The following RBFOX3 variants were observed in gnomAD, a reference collection of about 807,000 sequenced individuals.
The protein encoded by RBFOX3 is RNA binding protein fox-1 homolog 3.
Under a neutral mutation model 48.7 loss-of-function variants are expected in RBFOX3, and 17 were observed. The observed-to-expected ratio is 0.35, with a 90% CI of 0.24 to 0.52. The LOEUF (loss-of-function observed/expected upper bound fraction) is 0.52. Among genes scored for constraint, RBFOX3 ranks in the 20% least tolerant of loss-of-function variants. RBFOX3 has a pLI of 0.94. For missense variants in RBFOX3, 382 were observed against 497.5 expected, an observed-to-expected ratio of 0.77 and a Z score of 2.21; for synonymous variants, 212 against 209.5, an observed-to-expected ratio of 1.01 and a Z score of -0.10.
At chr17:79,387,591 C>G (rs991066363) in intron 2 of RBFOX3, among the ~76,000 whole-genome samples, 3 of 152,228 alleles carry the variant, frequency 2.0e-5, no homozygotes, top group African/African-American at 4.8e-5. Context: ...GCTTCTCCCC[C>G]AAGCCAAATA....
chr17:79,123,259 A>T (rs905324699), intron 4 of RBFOX3, among the ~76,000 whole-genome samples: 20 of 152,320 alleles, frequency 1.3e-4, no homozygotes, highest in Admixed American at 1.2e-3. Context: ...GGAGGTGGAC[A>T]CCCCATCTTC....
intron 4 of RBFOX3, among the ~76,000 whole-genome samples, chr17:79,178,498 G>C (rs1456092223): frequency 6.6e-6 from 1 of 152,210 alleles, no homozygotes; most frequent in Non-Finnish European, 1.5e-5. Context: ...TGGCTGCCTG[G>C]GCTGGAATCC....
At chr17:79,570,586 G>C (rs1309084574) in intron 1 of RBFOX3, among the ~76,000 whole-genome samples, 1 of 152,186 alleles carries the variant, frequency 6.6e-6, no homozygotes, top group Non-Finnish European at 1.5e-5. Context: ...AACCTTGTCT[G>C]TATCTGAGTA....
At chr17:79,547,959 C>T (rs1555792474) in intron 1 of RBFOX3, among the ~76,000 whole-genome samples, 1 of 152,348 alleles carries the variant, frequency 6.6e-6, no homozygotes, top group African/African-American at 2.4e-5. Flanking sequence ...CGAGGGCTGG[C>T]CATCCCCTGA....
intron 9 of RBFOX3, chr17:79,098,595 G>C (rs2146358147): frequency 6.6e-6 from 1 of 152,356 alleles, no homozygotes; most frequent in East Asian, 1.9e-4. Context: ...CTGCAGGTGG[G>C]CCAGTCTTCC....
chr17:79,354,923 T>A (rs180968018), intron 2 of RBFOX3, among the ~76,000 whole-genome samples: 106 of 152,360 alleles, frequency 7.0e-4, no homozygotes, highest in Non-Finnish European at 1.3e-3. Flanking sequence ...GCTCCCTTAA[T>A]AGAGAATTGC....
chr17:79,539,946 A>T (rs1555789747), intron 1 of RBFOX3, among the ~76,000 whole-genome samples: 2 of 152,330 alleles, frequency 1.3e-5, no homozygotes, highest in Middle Eastern at 6.8e-3. Context: ...TATACAAAAA[A>T]ACCTTTGTCA....
chr17:79,413,744 A>T (rs2064858578), intron 2 of RBFOX3, among the ~76,000 whole-genome samples: 1 of 152,202 alleles, frequency 6.6e-6, no homozygotes, highest in Non-Finnish European at 1.5e-5. Context: ...CACAGGGTCC[A>T]GGAAGAGCTC....
the RBFOX3 span, among the ~76,000 whole-genome samples, chr17:79,644,426 A>G: frequency 0.021 from 3,238 of 152,300 alleles, 97 homozygotes; most frequent in African/African-American, 0.062. Context: ...TCTACAAAAT[A>G]CTAGCAAAAT....
In RBFOX3 at chr17:79,103,099, G is replaced by T. The variant is rs2076746284; in HGVS notation, c.507+63C>A. ...GGCAGTGGCAGGGCTGGTTGGTTGG[G>T]GGAGCTGGGGGGCAGGTGGGCGATC... On this transcript the variant is annotated intron_variant, in intron 8 of 14. Transcript: ENST00000693108. The surrounding 1 kb of genome is among the most constrained non-coding windows in gnomAD (Gnocchi z 6.1). 1 of 1,267,918 alleles carries T rather than the reference G, an allele frequency of 7.9e-7. No individual in the cohort carries two copies. The highest frequency in any genetic ancestry group is 1.3e-5 in the South Asian group (1 of 77,622). The allele number at this position is 1,267,918 out of a possible 1,614,324, so 78.5% of individuals were successfully genotyped here. A position where few individuals can be genotyped will look rare whatever the true frequency, so the allele number is the denominator to read the frequency against.
chr17:79,575,679 G>C (rs994664188), intron 1 of RBFOX3, among the ~76,000 whole-genome samples: 1 of 152,294 alleles, frequency 6.6e-6, no homozygotes, highest in Admixed American at 6.5e-5. Context: ...AACAACTAGG[G>C]CACCTCTGTC....
At chr17:79,097,924 G>A (rs970905363) in intron 9 of RBFOX3, 179 bp from the exon 10 acceptor site, 3 of 636,486 alleles carry the variant, frequency 4.7e-6, no homozygotes, top group African/African-American at 1.8e-5. Context: ...AAAACACCAG[G>A]GTCTACTCCT....
At chr17:79,646,798 C>G in the RBFOX3 span, among the ~76,000 whole-genome samples, 1 of 152,218 alleles carries the variant, frequency 6.6e-6, no homozygotes, top group African/African-American at 2.4e-5. Context: ...AGCACCCTGA[C>G]TGTCCCTCTG....
In RBFOX3 at chr17:79,302,679, A is replaced by T. The variant is rs182363696; in HGVS notation, c.-74+5045T>A. 4.8e-3 allele frequency among the ~76,000 whole-genome samples: 729 copies of T among 152,258 alleles called. 1 individual carries two copies. Among genetic ancestry groups the T allele is most frequent in the African/African-American group, 0.016 (685 of 41,546 alleles). On this transcript the variant is annotated intron_variant, in intron 3 of 14. Transcript: ENST00000693108. ...TCTCAAAAGAAAAGAAAAAAAATAG[A>T]TGGTGAAAGAAATGAGTGAGTGAAT...
chr17:79,135,748 AT>A (rs1795669964), intron 4 of RBFOX3, among the ~76,000 whole-genome samples: 1 of 152,198 alleles, frequency 6.6e-6, no homozygotes, highest in Admixed American at 6.5e-5. Flanking sequence ...GCGGCCTGGC[AT>A]CCCAGGGCTC....
At chr17:79,303,027 G>A (rs890697144) in intron 3 of RBFOX3, among the ~76,000 whole-genome samples, 13 of 152,116 alleles carry the variant, frequency 8.5e-5, no homozygotes, top group African/African-American at 2.9e-4. Context: ...AACATAGTGA[G>A]ACCTCATCTC....
chr17:79,326,812 A>G (rs1304758849), intron 2 of RBFOX3, among the ~76,000 whole-genome samples: 1 of 152,244 alleles, frequency 6.6e-6, no homozygotes, highest in African/African-American at 2.4e-5. Context: ...AAAGACAGCT[A>G]CAAACAGATT....
At chr17:79,397,488 A>ACCC (rs2062153466) in intron 2 of RBFOX3, among the ~76,000 whole-genome samples, 1 of 136,366 alleles carries the variant, frequency 7.3e-6, no homozygotes. Flanking sequence ...GGAGGACTCC[A>ACCC]TCCCCAAAAA....
chr17:79,240,810 C>T (rs916513616), intron 3 of RBFOX3, among the ~76,000 whole-genome samples: 2 of 151,370 alleles, frequency 1.3e-5, no homozygotes, highest in Non-Finnish European at 1.5e-5. Context: ...ACTACAGGCA[C>T]CCGCCACCAC....
Sources: allele counts gnomAD v4.1 joint callset (sites outside exome capture counted in the v4.1 genomes callset), GRCh38; gene constraint gnomAD v4.1.1; non-coding constraint Gnocchi (gnomAD v3.1); transcripts MANE v1.5; gene names NCBI Gene and HGNC (gene_info 2026-07-23, HGNC 2026-07-21).